The following LPXN variants were observed in gnomAD, a reference collection of about 807,000 sequenced individuals.
The protein encoded by LPXN is leupaxin.
LPXN carries 28 observed loss-of-function variants against 45.6 expected under a neutral mutation model. That is an observed-to-expected ratio of 0.61 (90% confidence interval 0.45 to 0.84). The LOEUF (loss-of-function observed/expected upper bound fraction) is 0.84. LPXN is among the 40% of genes least tolerant of loss of function. The probability of loss-of-function intolerance (pLI) is 0.00; values close to 1 mark genes in which losing one functional copy is unlikely to be tolerated. For missense variants in LPXN, 459 were observed against 475.0 expected, an observed-to-expected ratio of 0.97 and a Z score of 0.31; for synonymous variants, 166 against 169.9, an observed-to-expected ratio of 0.98 and a Z score of 0.18.
chr11:58,564,369 C>T (rs112960054), intron 2 of LPXN, among the ~76,000 whole-genome samples, 168 bp from the exon 3 acceptor site: 1 of 152,132 alleles, frequency 6.6e-6, no homozygotes, highest in Admixed American at 6.5e-5. Context: ...TACCAGCCAT[C>T]CCACAAAGAA....
chr11:58,574,376 G>A (rs954469986), intron 1 of LPXN, among the ~76,000 whole-genome samples: 1 of 152,152 alleles, frequency 6.6e-6, no homozygotes, highest in South Asian at 2.1e-4. Context: ...CAGTGACATT[G>A]AAAAAGTTAT....
At chr11:58,578,546 G>A (rs1031646811), upstream of LPXN, among the ~76,000 whole-genome samples, 4 of 152,184 alleles carry the variant, frequency 2.6e-5, no homozygotes, top group Non-Finnish European at 5.9e-5. Flanking sequence ...TAAAGGAGAA[G>A]CGACAGCTCA....
At chr11:58,573,844 GTC>G in intron 1 of LPXN, among the ~76,000 whole-genome samples, 1 of 152,166 alleles carries the variant, frequency 6.6e-6, no homozygotes, top group East Asian at 1.9e-4. Context: ...TCTCTTGGGA[GTC>G]TCTGAGGGTT....
At chr11:58,534,290 CA>C (rs1853483002) in intron 7 of LPXN, among the ~76,000 whole-genome samples, 1 of 152,160 alleles carries the variant, frequency 6.6e-6, no homozygotes, top group Non-Finnish European at 1.5e-5. Context: ...CACGCCTCAG[CA>C]AATGCAAAAG....
At chr11:58,561,679 A>G (rs1313576689) in intron 3 of LPXN, among the ~76,000 whole-genome samples, 3 of 152,224 alleles carry the variant, frequency 2.0e-5, no homozygotes, top group African/African-American at 4.8e-5. Flanking sequence ...GCAGTTTCTT[A>G]GCAGGGCTTG....
intron 7 of LPXN, among the ~76,000 whole-genome samples, chr11:58,537,467 C>A (rs1217382490): frequency 1.3e-5 from 2 of 152,064 alleles, no homozygotes; most frequent in South Asian, 4.1e-4. Context: ...ACAATGAGAA[C>A]ACATGGCCAC....
At chr11:58,573,856 T>G (rs1854791909) in intron 1 of LPXN, among the ~76,000 whole-genome samples, 1 of 152,184 alleles carries the variant, frequency 6.6e-6, no homozygotes, top group South Asian at 2.1e-4. Flanking sequence ...CTCTGAGGGT[T>G]GCATGGATTT....
intron 1 of LPXN, 63 bp downstream of exon 1, chr11:58,575,697 A>G (rs1175670380): frequency 5.7e-6 from 9 of 1,583,774 alleles, no homozygotes; most frequent in Non-Finnish European, 7.8e-6. Flanking sequence ...ATACCCCACC[A>G]CACAAGGAGA....
chr11:58,544,921 G>A (rs2515358), intron 7 of LPXN, among the ~76,000 whole-genome samples: 145,220 of 152,184 alleles, frequency 0.95, 69,473 homozygotes, highest in South Asian at 0.99. Context: ...GAATTCTTTG[G>A]ACTGATGAAA....
intron 3 of LPXN, among the ~76,000 whole-genome samples, chr11:58,555,957 GA>G (rs1424892727): frequency 9.2e-5 from 14 of 152,028 alleles, no homozygotes; most frequent in African/African-American, 3.1e-4. Flanking sequence ...ATAAATTAGT[GA>G]AACAGAAAAC....
At chr11:58,565,178 C>T (rs1425066977) in intron 2 of LPXN, among the ~76,000 whole-genome samples, 7 of 151,712 alleles carry the variant, frequency 4.6e-5, no homozygotes, top group African/African-American at 7.3e-5. Context: ...GGCTCATGCC[C>T]GTAATCCCAG....
At chr11:58,578,469 C>T (rs1462678637), upstream of LPXN, among the ~76,000 whole-genome samples, 1 of 152,218 alleles carries the variant, frequency 6.6e-6, no homozygotes, top group Non-Finnish European at 1.5e-5. Context: ...CCCACAACCC[C>T]GCCTCCGTTT....
At chr11:58,545,324 T>C (rs951837360) in intron 7 of LPXN, among the ~76,000 whole-genome samples, 1 of 152,182 alleles carries the variant, frequency 6.6e-6, no homozygotes, top group East Asian at 1.9e-4. Flanking sequence ...ATCTAACTTA[T>C]GTCTCTACCT....
chr11:58,541,151 A>G (rs1007970929), intron 7 of LPXN, among the ~76,000 whole-genome samples: 9 of 152,180 alleles, frequency 5.9e-5, no homozygotes, highest in Non-Finnish European at 1.3e-4. Flanking sequence ...TGTCTAAAAC[A>G]AAAAAAGCAA....
intron 7 of LPXN, among the ~76,000 whole-genome samples, chr11:58,538,460 C>A (rs1041462249): frequency 2.0e-5 from 3 of 151,968 alleles, no homozygotes; most frequent in Non-Finnish European, 4.4e-5. Context: ...TTAATGATTG[C>A]CATTCTAACT....
intron 7 of LPXN, among the ~76,000 whole-genome samples, chr11:58,535,012 T>C (rs748905119): frequency 5.9e-5 from 9 of 152,104 alleles, no homozygotes; most frequent in Non-Finnish European, 8.8e-5. Flanking sequence ...AGTTCTGAAA[T>C]TGAGGCAGTA....
At chr11:58,570,189 G>C (rs764780206) in intron 2 of LPXN, among the ~76,000 whole-genome samples, 7 of 151,868 alleles carry the variant, frequency 4.6e-5, no homozygotes, top group Non-Finnish European at 1.0e-4. Flanking sequence ...TGTAATCCTA[G>C]CTATTTGGGA....
Position 58,564,211 on chromosome 11 carries a change from A to G in LPXN, c.172-10T>C, listed in dbSNP as rs199639767. ...TATACACGAGCTGCGCCTAAGATAT[A>G]TAAGTGACAAGAGAAGAGCAAAGAA... On this transcript the variant is annotated splice_polypyrimidine_tract_variant and intron_variant, in intron 2 of 8. Coordinates refer to ENST00000395074, the MANE Select transcript of LPXN (RefSeq NM_004811.3). 6.7e-5 allele frequency: 107 copies of G among 1,591,328 alleles called. No homozygotes were observed. Among genetic ancestry groups the G allele is most frequent in the Admixed American group, 2.2e-4 (13 of 58,372 alleles).
In LPXN at chr11:58,527,662, T is replaced by C. The variant is rs375430437; in HGVS notation, c.953A>G (p.Glu318Gly). 171 of 1,613,906 alleles carry C rather than the reference T, an allele frequency of 1.1e-4. No homozygotes were observed. The highest frequency in any genetic ancestry group is 1.4e-4 in the Non-Finnish European group (166 of 1,180,012). The change falls in exon 9 of 9, where the codon GAG becomes GGG. Residue 318 changes from glutamate to glycine, a missense_variant. Transcript: ENST00000395074. ...FFELDGRPFC[E>G]LHYHHRRGTL... ...TCCCCGGCGGTGATGGTAATGGAGC[T>C]CACAGAATGGACGTCCATCCAGTTC...
Sources: gnomAD v4.1 joint callset for allele counts (sites outside exome capture counted in the v4.1 genomes callset) on GRCh38, gnomAD v4.1.1 for gene constraint, MANE v1.5 for transcripts, NCBI Gene and HGNC (gene_info 2026-07-23, HGNC 2026-07-21) for gene names.